The following LRP1B variants were observed in gnomAD, a reference collection of about 807,000 sequenced individuals.
LRP1B encodes LDL receptor related protein 1B, also known as low-density lipoprotein receptor-related protein 1B.
Under a neutral mutation model 556.6 loss-of-function variants are expected in LRP1B, and 217 were observed. That is an observed-to-expected ratio of 0.39 (90% CI 0.35 to 0.44). The LOEUF (loss-of-function observed/expected upper bound fraction) is 0.44. Ranked by LOEUF, LRP1B falls within the 20% of genes least tolerant of loss-of-function variation. LRP1B has a pLI of 1.00. For synonymous variants in LRP1B, 2,047 were observed against 1,865.8 expected (o/e 1.10, Z -2.50); for missense variants, 5,053 against 5,620.8 (o/e 0.90, Z 3.23).
At chr2:140,386,094 G>C in intron 66 of LRP1B, 85 bp from the exon 67 acceptor site, 1 of 777,208 alleles carries the variant, frequency 1.3e-6, no homozygotes, top group East Asian at 2.5e-5. Flanking sequence ...CCAAATCCAT[G>C]GCATATAATG....
chr2:141,734,313 A>G (rs1693386161), intron 2 of LRP1B, among the ~76,000 whole-genome samples: 3 of 152,166 alleles, frequency 2.0e-5, no homozygotes, highest in Non-Finnish European at 4.4e-5. Flanking sequence ...AATTTAATTA[A>G]GTGAAATCAA....
intron 7 of LRP1B, among the ~76,000 whole-genome samples, chr2:141,180,096 A>G (rs1043605211): frequency 1.3e-5 from 2 of 151,840 alleles, no homozygotes; most frequent in Admixed American, 6.6e-5. Context: ...TCCATTATTT[A>G]ACTCAGAATT....
intron 43 of LRP1B, among the ~76,000 whole-genome samples, chr2:140,590,297 T>G (rs1682165004): frequency 6.8e-6 from 1 of 147,868 alleles, no homozygotes; most frequent in Non-Finnish European, 1.5e-5. Context: ...TATGCATATA[T>G]AATATATATT....
At position 140,270,290 on chromosome 2, in the gene LRP1B, T is replaced by C. The variant is rs2104943843; in HGVS notation, c.13199A>G (p.Asn4400Ser). The change falls in exon 86 of 91, where the codon AAT (asparagine) becomes AGT (serine). Residue 4400 changes from asparagine (N) to serine (S), a missense_variant. Physicochemically the swap from Asn to Ser is conservative, Grantham distance 46. Around this residue, in one of 5 missense-constraint regions of LRP1B, gnomAD observed 551 missense variants for 592.0 expected, o/e 0.93. Coordinates refer to ENST00000389484, the MANE Select transcript of LRP1B (RefSeq NM_018557.3). The stretch of plus-strand genomic sequence containing the variant: ...GGGGTCCAGCTGGCATGTGCCACCA[T>C]TGTAACAGTAGCCATCACATAACTG... ...SCQLCDGYCY[N>S]GGTCQLDPET... 1.2e-6 allele frequency: 2 copies of C among 1,612,188 alleles called. No homozygotes were observed. Among genetic ancestry groups the C allele is most frequent in the Non-Finnish European group, 1.7e-6 (2 of 1,178,740 alleles).
intron 66 of LRP1B, among the ~76,000 whole-genome samples, chr2:140,411,730 A>C (rs1292057735): frequency 2.0e-5 from 3 of 150,820 alleles, no homozygotes; most frequent in African/African-American, 7.3e-5. Context: ...TAACAATAAC[A>C]ACCAAAATAA....
At chr2:141,618,265 A>G (rs551240548) in intron 2 of LRP1B, among the ~76,000 whole-genome samples, 1 of 152,312 alleles carries the variant, frequency 6.6e-6, no homozygotes, top group East Asian at 1.9e-4. Flanking sequence ...AAGGCAACTG[A>G]GAATCCTAGT....
At position 140,700,352 on chromosome 2, in the gene LRP1B, G is replaced by C. The variant is rs2105420196; in HGVS notation, c.6697C>G (p.Gln2233Glu). 1 of 1,613,020 alleles carries C rather than the reference G, an allele frequency of 6.2e-7. No homozygotes were observed. The highest frequency in any genetic ancestry group is 8.5e-7 in the Non-Finnish European group (1 of 1,179,544). The change falls in exon 41 of 91, where the codon CAA becomes GAA. Residue 2233 changes from glutamine (Q) to glutamate (E), a missense_variant. Transcript: ENST00000389484. ...ATTCGGTTGGTACCTTTTCTTCTTTGATTATAGTCAAAAGCCAAGGCTATG... is the reference window on the plus strand; with the variant it reads ...ATTCGGTTGGTACCTTTTCTTCTTTCATTATAGTCAAAAGCCAAGGCTATG... The part of the protein sequence containing the change: ...NVIALAFDYN[Q>E]RRKGTNRIFY...
At chr2:140,597,641 T>C (rs960228379) in intron 43 of LRP1B, among the ~76,000 whole-genome samples, 3 of 152,228 alleles carry the variant, frequency 2.0e-5, no homozygotes, top group Non-Finnish European at 4.4e-5. Context: ...TTCAACTGAA[T>C]TAAACAGTGT....
At chr2:140,546,925 T>C (rs1484796168) in intron 43 of LRP1B, among the ~76,000 whole-genome samples, 1 of 152,158 alleles carries the variant, frequency 6.6e-6, no homozygotes, top group African/African-American at 2.4e-5. Context: ...GTTTTTTTTG[T>C]ATTTAGTTCT....
intron 10 of LRP1B, among the ~76,000 whole-genome samples, chr2:141,052,669 G>A (rs1699070023): frequency 6.6e-6 from 1 of 151,926 alleles, no homozygotes; most frequent in Non-Finnish European, 1.5e-5. Context: ...CAATACATGG[G>A]AATCCTGGTT....
At chr2:141,096,619 G>GGGGAGA (rs1181659892) in intron 7 of LRP1B, among the ~76,000 whole-genome samples, 16 of 34,014 alleles carry the variant, frequency 4.7e-4, no homozygotes, top group African/African-American at 1.6e-3. Flanking sequence ...TGACAAAGAC[G>GGGGAGA]GGGAGAGGGG....
intron 43 of LRP1B, among the ~76,000 whole-genome samples, chr2:140,570,786 T>C (rs1681294888): frequency 6.6e-6 from 1 of 151,748 alleles, no homozygotes; most frequent in Admixed American, 6.6e-5. Flanking sequence ...ACTAGCAAAC[T>C]GGATCTAGCA....
chr2:140,928,067 G>A (rs960276601), intron 20 of LRP1B, among the ~76,000 whole-genome samples: 2 of 151,760 alleles, frequency 1.3e-5, no homozygotes, highest in African/African-American at 2.4e-5. Context: ...TTTAGGCACT[G>A]GGCTAGAGCA....
chr2:140,453,148 G>GA (rs1337058526), intron 62 of LRP1B, among the ~76,000 whole-genome samples: 2 of 151,720 alleles, frequency 1.3e-5, no homozygotes, highest in African/African-American at 4.8e-5. Flanking sequence ...ATTATGACTG[G>GA]AAAAATATCT....
chr2:141,921,916 C>T (rs1700196455), intron 1 of LRP1B, among the ~76,000 whole-genome samples: 1 of 152,000 alleles, frequency 6.6e-6, no homozygotes, highest in African/African-American at 2.4e-5. Context: ...TTTTCTTTTA[C>T]ATTATATTCA....
intron 7 of LRP1B, among the ~76,000 whole-genome samples, chr2:141,103,433 A>C (rs565401257): frequency 6.2e-4 from 94 of 151,730 alleles, no homozygotes; most frequent in African/African-American, 2.2e-3. Context: ...TTGTGGCAGC[A>C]ACAGAATTCA....
intron 86 of LRP1B, among the ~76,000 whole-genome samples, chr2:140,252,389 A>AGTTAG (rs1215142408): frequency 6.6e-5 from 10 of 152,012 alleles, no homozygotes; most frequent in Non-Finnish European, 1.5e-4. Context: ...TTCATATAAA[A>AGTTAG]ATGTACTCAT....
At chr2:141,728,453 A>ATTTTACTTTTTTTTACTTTT (rs1693133395) in intron 2 of LRP1B, among the ~76,000 whole-genome samples, 1 of 151,856 alleles carries the variant, frequency 6.6e-6, no homozygotes, top group African/African-American at 2.4e-5. Flanking sequence ...ATTCCTTTCT[A>ATTTTACTTTTTTTTACTTTT]TTTTACTTTT....
At chr2:140,845,494 A>G (rs1692248491) in intron 29 of LRP1B, among the ~76,000 whole-genome samples, 1 of 152,154 alleles carries the variant, frequency 6.6e-6, no homozygotes, top group Non-Finnish European at 1.5e-5. Context: ...TCCTCGTAAC[A>G]GAACAAAAAA....
Sources: allele counts gnomAD v4.1 joint callset (sites outside exome capture counted in the v4.1 genomes callset), GRCh38; gene constraint gnomAD v4.1.1; regional missense constraint gnomAD v4.1.1; transcripts MANE v1.5; gene names NCBI Gene and HGNC (gene_info 2026-07-23, HGNC 2026-07-21).